Variants in HSD17B2 observed in about 807,000 individuals in gnomAD.
HSD17B2 encodes the protein hydroxysteroid 17-beta dehydrogenase 2, also known as 17-beta-hydroxysteroid dehydrogenase type 2.
A neutral mutation model predicts 26.9 loss-of-function variants in HSD17B2; 32 were observed. The observed-to-expected ratio is 1.19, with a 90% CI of 0.90 to 1.60. HSD17B2 has a LOEUF of 1.60. Ranked by LOEUF, HSD17B2 falls within the 40% of genes most tolerant of loss-of-function variation. HSD17B2 has a pLI of 0.00. For missense variants in HSD17B2, 613 were observed against 468.6 expected, an observed-to-expected ratio of 1.31 and a Z score of -2.85; for synonymous variants, 246 against 186.7, an observed-to-expected ratio of 1.32 and a Z score of -2.59.
At chr16:82,045,857 C>T (rs746301407) in intron 1 of HSD17B2, among the ~76,000 whole-genome samples, 21 of 152,262 alleles carry the variant, frequency 1.4e-4, no homozygotes, top group Non-Finnish European at 2.4e-4. Context: ...CCACTCTAGC[C>T]TCTTGTGTTT....
rs916196248 is a variant in HSD17B2 at position 82,071,039 on chromosome 16, C to G, written c.576C>G (p.Asn192Lys). Residue 192 changes from asparagine (N) to lysine (K), a missense_variant, in exon 3 of 5, where the codon AAC becomes AAG. Asn to Lys is a moderately conservative substitution (Grantham distance 94, BLOSUM62 0). Coordinates refer to ENST00000199936, the MANE Select transcript of HSD17B2 (RefSeq NM_002153.3). Reference sequence around the variant, plus strand: ...ACTACAAACAATGCATGGCCGTGAACTTCTTTGGAACTGTGGAGGTCACAA... The same window carrying G: ...ACTACAAACAATGCATGGCCGTGAAGTTCTTTGGAACTGTGGAGGTCACAA... ...MTDYKQCMAVNFFGTVEVTKT... is the reference protein window; with the variant it reads ...MTDYKQCMAVKFFGTVEVTKT... The G allele has an allele frequency of 3.1e-6, 5 of 1,614,084 alleles. No individual in the cohort carries two copies. The highest frequency in any genetic ancestry group is 4.2e-6 in the Non-Finnish European group (5 of 1,180,036).
At chr16:82,066,712 T>C (rs377566624) in intron 1 of HSD17B2, among the ~76,000 whole-genome samples, 1 of 152,254 alleles carries the variant, frequency 6.6e-6, no homozygotes, top group African/African-American at 2.4e-5. Context: ...TCCTTCTTTT[T>C]TGCATTAAAA....
chr16:82,097,349 G>GTGTGTATATATATA (rs1168686992), intron 4 of HSD17B2: 2 of 57,094 alleles, frequency 3.5e-5, no homozygotes, highest in African/African-American at 1.2e-4. Context: ...TTATATATGT[G>GTGTGTATATATATA]TACACACACA....
At chr16:82,043,415 TGGC>T (rs1913822075) in intron 1 of HSD17B2, among the ~76,000 whole-genome samples, 1 of 124,372 alleles carries the variant, frequency 8.0e-6, no homozygotes, top group Non-Finnish European at 1.5e-5. Context: ...CCGGGCGCGG[TGGC>T]TCATGCCTGT....
In HSD17B2 at chr16:82,098,502, G is replaced by C. The variant is rs1904924527; in HGVS notation, c.*66G>C. On this transcript the variant is annotated 3_prime_UTR_variant, in exon 5 of 5. Coordinates refer to ENST00000199936, the MANE Select transcript of HSD17B2 (RefSeq NM_002153.3). ...GAAATGAAAGGGAAACTGGGAAACT[G>C]GGTTTCTCATTAAAGTTGTTTCCCA... The C allele has an allele frequency of 1.3e-6, 2 of 1,491,292 alleles. No homozygotes were observed. The highest frequency in any genetic ancestry group is 1.4e-5 in the South Asian group (1 of 73,862). 92.4% of individuals were successfully genotyped at this position (1,491,292 alleles called of 1,614,324 possible).
At chr16:82,075,805 C>T (rs150824391) in intron 3 of HSD17B2, among the ~76,000 whole-genome samples, 57 of 151,366 alleles carry the variant, frequency 3.8e-4, no homozygotes, top group African/African-American at 1.3e-3. Context: ...GAACTAATAC[C>T]GATTGTACTC....
At chr16:82,085,292 T>C (rs1225964662) in intron 3 of HSD17B2, among the ~76,000 whole-genome samples, 1 of 152,132 alleles carries the variant, frequency 6.6e-6, no homozygotes, top group Non-Finnish European at 1.5e-5. Flanking sequence ...TGACACTCTT[T>C]AGGGAGATTG....
intron 1 of HSD17B2, among the ~76,000 whole-genome samples, chr16:82,043,059 A>G (rs1913810630): frequency 6.6e-6 from 1 of 152,224 alleles, no homozygotes; most frequent in African/African-American, 2.4e-5. Flanking sequence ...ATGCAGTTGC[A>G]TCTCTTGACA....
intron 4 of HSD17B2, chr16:82,093,295 A>T (rs1433706658): frequency 6.6e-6 from 1 of 152,184 alleles, no homozygotes; most frequent in African/African-American, 2.4e-5. Context: ...TTCTTTGTAG[A>T]GTCACATCCA....
At chr16:82,060,127 A>G (rs1467851376) in intron 1 of HSD17B2, among the ~76,000 whole-genome samples, 2 of 152,160 alleles carry the variant, frequency 1.3e-5, no homozygotes, top group Non-Finnish European at 2.9e-5. Flanking sequence ...TTATACCTTA[A>G]TCTATTTTAT....
intron 4 of HSD17B2, chr16:82,097,210 GTC>G (rs1389734160): frequency 1.3e-4 from 1 of 7,620 alleles, no homozygotes; most frequent in African/African-American, 4.2e-4. Flanking sequence ...CTGTGTATAT[GTC>G]TATGTCTATG....
chr16:82,097,775 C>T, intron 4 of HSD17B2: 1 of 187,086 alleles, frequency 5.3e-6, no homozygotes, highest in Non-Finnish European at 1.1e-5. Flanking sequence ...CCCGTGTCTA[C>T]TAAAAATATA....
At chr16:82,043,371 G>C (rs1913819951) in intron 1 of HSD17B2, among the ~76,000 whole-genome samples, 1 of 152,124 alleles carries the variant, frequency 6.6e-6, no homozygotes, top group African/African-American at 2.4e-5. Context: ...AGATCATTCA[G>C]CCACTTTAGG....
rs532132502 is a variant in HSD17B2, at chr16:82,089,098, C to T, written c.665-1804C>T. Reference sequence around the variant, plus strand: ...CACTAGGGGTTAGGGCTTCAAAATACGAATTTTGATGGGGGTGGGCACAAT... The same window carrying T: ...CACTAGGGGTTAGGGCTTCAAAATATGAATTTTGATGGGGGTGGGCACAAT... On this transcript the variant is annotated intron_variant, in intron 3 of 4. Coordinates refer to ENST00000199936, the MANE Select transcript of HSD17B2 (RefSeq NM_002153.3). Among the ~76,000 whole-genome samples, 112 of 152,238 alleles carry T rather than the reference C, an allele frequency of 7.4e-4. 3 individuals are homozygous for T. Among genetic ancestry groups the T allele is most frequent in the South Asian group, 1.2e-3 (6 of 4,822 alleles).
At chr16:82,079,433 C>T (rs1462199769) in intron 3 of HSD17B2, among the ~76,000 whole-genome samples, 1 of 152,134 alleles carries the variant, frequency 6.6e-6, no homozygotes, top group African/African-American at 2.4e-5. Context: ...TCTGTTGCAC[C>T]CCTGGTGTCT....
chr16:82,075,842 G>A (rs1242326098), intron 3 of HSD17B2, among the ~76,000 whole-genome samples: 1 of 150,862 alleles, frequency 6.6e-6, no homozygotes, highest in African/African-American at 2.4e-5. Flanking sequence ...AATGGTGGAG[G>A]GAATACTTCC....
At chr16:82,076,198 C>A in intron 3 of HSD17B2, among the ~76,000 whole-genome samples, 1 of 151,742 alleles carries the variant, frequency 6.6e-6, no homozygotes, top group African/African-American at 2.4e-5. Context: ...TGATAAAAAC[C>A]CTCAATTAAA....
intron 1 of HSD17B2, among the ~76,000 whole-genome samples, chr16:82,064,899 C>G (rs1024127105): frequency 2.0e-5 from 3 of 152,200 alleles, no homozygotes; most frequent in East Asian, 1.9e-4. Flanking sequence ...CCCAGTCCCC[C>G]CATTTGCTAT....
At chr16:82,092,434 C>A (rs1309594274) in intron 4 of HSD17B2, 1 of 152,176 alleles carries the variant, frequency 6.6e-6, no homozygotes, top group African/African-American at 2.4e-5. Context: ...TAATAAAAGA[C>A]CACAGACTGG....
Sources: allele counts gnomAD v4.1 joint callset (sites outside exome capture counted in the v4.1 genomes callset), GRCh38; gene constraint gnomAD v4.1.1; transcripts MANE v1.5; gene names NCBI Gene and HGNC (gene_info 2026-07-23, HGNC 2026-07-21).